The following AFAP1L1 variants were observed in gnomAD, a reference collection of about 807,000 sequenced individuals.
AFAP1L1 encodes actin filament associated protein 1 like 1, also known as actin filament-associated protein 1-like 1.
AFAP1L1 carries 77 observed loss-of-function variants against 99.8 expected under a neutral mutation model. The ratio of observed to expected loss-of-function variants is 0.77; its 90% CI spans 0.64 to 0.93. The LOEUF (loss-of-function observed/expected upper bound fraction) is 0.93. Among genes scored for constraint, AFAP1L1 ranks in the 40% least tolerant of loss-of-function variants. The pLI is 0.00. For missense variants in AFAP1L1, 893 were observed against 996.8 expected (o/e 0.90, Z 1.40); for synonymous variants, 373 against 395.3 (o/e 0.94, Z 0.67).
intron 6 of AFAP1L1, among the ~76,000 whole-genome samples, chr5:149,307,121 C>T (rs1756439708): frequency 6.6e-6 from 1 of 152,074 alleles, no homozygotes; most frequent in Non-Finnish European, 1.5e-5. Flanking sequence ...GTGGTGGGTG[C>T]CTATAATCTC....
chr5:149,328,979 C>T (rs781121615), intron 15 of AFAP1L1, among the ~76,000 whole-genome samples: 9 of 152,038 alleles, frequency 5.9e-5, no homozygotes, highest in African/African-American at 1.4e-4. Flanking sequence ...CCAGGTTCCT[C>T]GCTCCCCCAA....
At chr5:149,318,048 G>T in intron 12 of AFAP1L1, 108 bp downstream of exon 12, 1 of 1,317,602 alleles carries the variant, frequency 7.6e-7, no homozygotes. Flanking sequence ...GGGGACTGAA[G>T]GGGAAGGAAA....
intron 1 of AFAP1L1, among the ~76,000 whole-genome samples, chr5:149,279,181 A>G (rs1236950534): frequency 6.6e-6 from 1 of 152,222 alleles, no homozygotes; most frequent in Non-Finnish European, 1.5e-5. Flanking sequence ...TCAGTTCTCA[A>G]ATTCGTTGTC....
At chr5:149,282,218 G>A (rs974423425) in intron 1 of AFAP1L1, among the ~76,000 whole-genome samples, 3 of 152,302 alleles carry the variant, frequency 2.0e-5, no homozygotes, top group African/African-American at 7.2e-5. Context: ...CAGTTCTGGG[G>A]AATTGATGGA....
At chr5:149,282,258 G>A (rs535294102) in intron 1 of AFAP1L1, among the ~76,000 whole-genome samples, 8 of 152,318 alleles carry the variant, frequency 5.3e-5, no homozygotes, top group African/African-American at 1.7e-4. Context: ...CAAGCTTGGG[G>A]GCTTTTTATA....
chr5:149,313,366 G>A lies in AFAP1L1; in HGVS notation c.1020+1162G>A, dbSNP rs554420725. On this transcript the variant is annotated intron_variant, in intron 9 of 18. Transcript: ENST00000296721. Reference sequence around the variant, plus strand: ...ATCGAGGCTAGTATTTATAGACTGTGACTGCATGCCCTGCAGTGTACTAAA... The same window carrying A: ...ATCGAGGCTAGTATTTATAGACTGTAACTGCATGCCCTGCAGTGTACTAAA... 5.3e-5 allele frequency among the ~76,000 whole-genome samples: 8 copies of A among 152,352 alleles called. No individual in the cohort carries two copies. In the South Asian group the frequency reaches 1.7e-3, roughly 32 times the overall value.
intron 18 of AFAP1L1, among the ~76,000 whole-genome samples, chr5:149,338,545 A>G (rs1028782869): frequency 1.3e-5 from 2 of 152,172 alleles, no homozygotes; most frequent in South Asian, 2.1e-4. Context: ...AAGAGGGAAG[A>G]GTCTTTATTC....
chr5:149,272,388 G>A (rs564633693), intron 1 of AFAP1L1, among the ~76,000 whole-genome samples: 1 of 152,310 alleles, frequency 6.6e-6, no homozygotes, highest in South Asian at 2.1e-4. Flanking sequence ...AAGCTCTAGG[G>A]GACCGAAGTT....
intron 1 of AFAP1L1, among the ~76,000 whole-genome samples, chr5:149,298,201 A>G (rs1292860393): frequency 6.6e-6 from 1 of 152,232 alleles, no homozygotes; most frequent in Non-Finnish European, 1.5e-5. Flanking sequence ...GGTGGGGAAC[A>G]GCACATGGAG....
chr5:149,318,262 C>G (rs1233589350), intron 12 of AFAP1L1, among the ~76,000 whole-genome samples: 1 of 152,152 alleles, frequency 6.6e-6, no homozygotes, highest in Admixed American at 6.5e-5. Context: ...ACAAAACATT[C>G]TGTATTTTTA....
At position 149,299,656 on chromosome 5, in the gene AFAP1L1, G is replaced by T. The variant is rs758295981; in HGVS notation, c.145+19G>T. The T allele has an allele frequency of 1.4e-5, 22 of 1,613,944 alleles. No homozygotes were observed. Among genetic ancestry groups the T allele is most frequent in the Middle Eastern group, 3.3e-4 (2 of 6,058 alleles). On this transcript the variant is annotated intron_variant, in intron 2 of 18. Coordinates refer to ENST00000296721, the MANE Select transcript of AFAP1L1 (RefSeq NM_152406.4). ...CTTCCAGGTTAGCCGCCAGCAGCCT[G>T]CCTGGAGGAGCTCCACTTATGTAGG...
intron 9 of AFAP1L1, chr5:149,315,551 C>CATTAGG (rs1756767618): frequency 2.4e-6 from 1 of 415,338 alleles, no homozygotes; most frequent in Non-Finnish European, 4.5e-6. Context: ...AAATACAGTC[C>CATTAGG]AAATTCCTAA....
At chr5:149,299,190 G>A (rs1393360510) in intron 1 of AFAP1L1, among the ~76,000 whole-genome samples, 1 of 152,222 alleles carries the variant, frequency 6.6e-6, no homozygotes, top group Admixed American at 6.5e-5. Flanking sequence ...CTGGGACAGA[G>A]GGAGGCCTGA....
chr5:149,272,995 G>A lies in AFAP1L1; in HGVS notation c.16+1011G>A, dbSNP rs898596403. 7.2e-5 allele frequency among the ~76,000 whole-genome samples: 11 copies of A among 152,058 alleles called. No homozygotes were observed. In the East Asian group the frequency reaches 2.1e-3, roughly 29 times the overall value. On this transcript the variant is annotated intron_variant, in intron 1 of 18. Transcript: ENST00000296721. ...TGGGATTACGGGCGTGAGCCACCGCGCCCGGCAGCGCACATTTTAAGTAAA... is the reference window on the plus strand; with the variant it reads ...TGGGATTACGGGCGTGAGCCACCGCACCCGGCAGCGCACATTTTAAGTAAA...
At chr5:149,324,513 C>T (rs949935901) in intron 15 of AFAP1L1, among the ~76,000 whole-genome samples, 4 of 152,186 alleles carry the variant, frequency 2.6e-5, no homozygotes, top group South Asian at 2.1e-4. Context: ...ATTTTGCCCA[C>T]GATCATGTAT....
At position 149,332,715 on chromosome 5, in the gene AFAP1L1, G is replaced by A; in HGVS notation, c.1996G>A (p.Glu666Lys). The A allele has an allele frequency of 6.2e-7, 1 of 1,613,446 alleles. No individual in the cohort carries two copies. The highest frequency in any genetic ancestry group is 8.5e-7 in the Non-Finnish European group (1 of 1,179,884). Residue 666 changes from glutamate to lysine, a missense_variant, in exon 17 of 19, where the codon GAA becomes AAA. By Grantham distance (56) the Glu-to-Lys change is moderately conservative (BLOSUM62 1). Coordinates refer to ENST00000296721, the MANE Select transcript of AFAP1L1 (RefSeq NM_152406.4). ...SSPGAKLKAL[E>K]EAVATLEAQC... The stretch of plus-strand genomic sequence containing the variant: ...TTCAGGAGCAAAATTAAAGGCTCTG[G>A]AAGAAGCCGTGGCCACCCTGGAAGC...
chr5:149,289,351 A>C (rs561566186), intron 1 of AFAP1L1, among the ~76,000 whole-genome samples: 3 of 152,282 alleles, frequency 2.0e-5, no homozygotes, highest in South Asian at 4.2e-4. Context: ...AACACACACA[A>C]AAGTCTTCCA....
At chr5:149,301,324 C>A in intron 4 of AFAP1L1, 94 bp downstream of exon 4, 1 of 1,140,772 alleles carries the variant, frequency 8.8e-7, no homozygotes, top group African/African-American at 1.5e-5. Context: ...GCTCTCCTGG[C>A]GGTTCTGGAC....
intron 16 of AFAP1L1, among the ~76,000 whole-genome samples, chr5:149,331,981 CGACT>C (rs1367876127): frequency 6.6e-6 from 1 of 152,082 alleles, no homozygotes; most frequent in Non-Finnish European, 1.5e-5. Context: ...CTGATTGGTC[CGACT>C]TTCATCCCTA....
Sources: gnomAD v4.1 joint callset for allele counts (sites outside exome capture counted in the v4.1 genomes callset) on GRCh38, gnomAD v4.1.1 for gene constraint, MANE v1.5 for transcripts, NCBI Gene and HGNC (gene_info 2026-07-23, HGNC 2026-07-21) for gene names.